Variants in PKD1 observed in about 807,000 individuals in gnomAD.
The protein encoded by PKD1 is polycystin 1, transient receptor potential channel interacting.
Under a neutral mutation model 361.7 loss-of-function variants are expected in PKD1, and 81 were observed. The ratio of observed to expected loss-of-function variants is 0.22; its 90% CI spans 0.19 to 0.27. The LOEUF (loss-of-function observed/expected upper bound fraction) is 0.27, where lower values mean the gene tolerates loss of function less well. Among genes scored for constraint, PKD1 ranks in the 10% least tolerant of loss-of-function variants. The pLI is 1.00. For missense variants in PKD1, 6,399 were observed against 6,118.3 expected (o/e 1.05, Z -1.53); for synonymous variants, 3,615 against 2,818.3 (o/e 1.28, Z -8.95).
intron 22 of PKD1, 37 bp downstream of exon 22, chr16:2,104,461 G>GGGGC (rs2092256195): frequency 1.4e-5 from 21 of 1,478,664 alleles, no homozygotes; most frequent in Non-Finnish European, 1.6e-5. Flanking sequence ...AGGGCCGCAC[G>GGGGC]GGGCGGGCGG....
intron 1 of PKD1, among the ~76,000 whole-genome samples, chr16:2,124,482 CCGGGGGAGCCGGGGT>C (rs887070670): frequency 1.3e-5 from 2 of 152,340 alleles, no homozygotes; most frequent in Admixed American, 1.3e-4. Context: ...CGCTCCTGGG[CCGGGGGAGCCGGGGT>C]CGGGGAATGC....
rs144512402 is a variant in PKD1, at chr16:2,111,220, T to G, written c.3947A>C (p.Tyr1316Ser). Reference protein sequence around the residue: ...PTQPDARLTAYVTGNPAHYLF... With the variant: ...PTQPDARLTASVTGNPAHYLF... The stretch of plus-strand genomic sequence containing the variant: ...GTAGTGGGCCGGGTTCCCGGTGACG[T>G]AGGCCGTGAGCCGCGCGTCAGGCTG... The change falls in exon 15 of 46, where the codon TAC becomes TCC. Residue 1316 changes from tyrosine (Y) to serine (S), a missense_variant. Tyr to Ser is a moderately radical substitution (Grantham distance 144). Coordinates refer to ENST00000262304, the MANE Select transcript of PKD1 (RefSeq NM_001009944.3). The G allele has an allele frequency of 1.2e-6, 2 of 1,611,234 alleles. No individual in the cohort carries two copies. Among genetic ancestry groups the G allele is most frequent in the South Asian group, 1.1e-5 (1 of 91,016 alleles).
Position 2,100,021 on chromosome 16 carries a change from G to A in PKD1, c.9763C>T (p.Arg3255Cys), listed in dbSNP as rs753504044. Residue 3255 changes from arginine to cysteine, a missense_variant, in exon 29 of 46, where the codon CGT becomes TGT. Physicochemically the swap from Arg to Cys is radical, Grantham distance 180. Coordinates refer to ENST00000262304, the MANE Select transcript of PKD1 (RefSeq NM_001009944.3). The surrounding 1 kb of genome is among the most constrained non-coding windows in gnomAD (Gnocchi z 4.4). The stretch of plus-strand genomic sequence containing the variant: ...CAGATGTGCTTGTCAAAGAAGCCAC[G>A]CTGCAGCTCAGCCACCAGCAGGCGC... The part of the protein sequence containing the change: ...FRRLLVAELQ[R>C]GFFDKHIWLS... The A allele has an allele frequency of 8.2e-6, 13 of 1,576,722 alleles. No homozygotes were observed. Among genetic ancestry groups the A allele is most frequent in the Middle Eastern group, 4.5e-4 (2 of 4,406 alleles).
chr16:2,105,079 T>G (rs2092290522), intron 21 of PKD1, among the ~76,000 whole-genome samples: 2 of 118,986 alleles, frequency 1.7e-5, no homozygotes, highest in South Asian at 5.9e-4. Context: ...CAGCATCTTC[T>G]TAGTCCCTCC....
Position 2,106,277 on chromosome 16 carries a change from G to C in PKD1, c.7517C>G (p.Ala2506Gly), listed in dbSNP as rs529669059. ...TGWHDAEDAG[A>G]PLVYALLLRR... ...CAGCAGCAGGGCGTACACCAGCGGG[G>C]CGCCAGCATCCTCCGCGTCATGCCA... is the stretch of plus-strand genomic sequence containing the variant. Residue 2506 changes from alanine (A) to glycine (G), a missense_variant, in exon 19 of 46, where the codon GCC becomes GGC. Coordinates refer to ENST00000262304, the MANE Select transcript of PKD1 (RefSeq NM_001009944.3). The surrounding 1 kb of genome is among the most constrained non-coding windows in gnomAD (Gnocchi z 6.5). The C allele has an allele frequency of 1.2e-6, 2 of 1,610,098 alleles. No homozygotes were observed. The highest frequency in any genetic ancestry group is 2.2e-5 in the East Asian group (1 of 44,858).
Position 2,112,885 on chromosome 16 carries a change from G to A in PKD1, c.3064C>T (p.Leu1022=). The change falls in exon 13 of 46, where the codon CTG becomes TTG. Residue 1022 remains leucine (L), a synonymous_variant. Coordinates refer to ENST00000262304, the MANE Select transcript of PKD1 (RefSeq NM_001009944.3). ...TVERMNRMQG[L]QVSTVPAVLS... is the part of the protein sequence containing the mutation. ...ACGGCCGGCACTGTGGAGACCTGCA[G>A]ACCCTGCATCCTGTTCATCCGCTCC... 6.2e-7 allele frequency: 1 copy of A among 1,607,230 alleles called. No homozygotes were observed. Among genetic ancestry groups the A allele is most frequent in the African/African-American group, 1.3e-5 (1 of 74,978 alleles).
At position 2,090,096 on chromosome 16, in the gene PKD1, G is replaced by A; in HGVS notation, c.12543C>T (p.Gly4181=). 6.2e-7 allele frequency: 1 copy of A among 1,606,818 alleles called. No individual in the cohort carries two copies. Among genetic ancestry groups the A allele is most frequent in the Non-Finnish European group, 8.5e-7 (1 of 1,175,902 alleles). The stretch of plus-strand genomic sequence containing the variant: ...AGGTGGAGGGGTGCGAGGCATCGGA[G>A]CCAGCGCTGGGTGGGGGCACATCCG... The part of the protein sequence containing the change: ...VSPDVPPPSA[G]SDASHPSTSS... Residue 4181 remains glycine, a synonymous_variant, in exon 46 of 46, where the codon GGC becomes GGT. Coordinates refer to ENST00000262304, the MANE Select transcript of PKD1 (RefSeq NM_001009944.3).
chr16:2,110,520 C>T lies in PKD1; in HGVS notation c.4647G>A (p.Arg1549=), dbSNP rs1461813719. The T allele has an allele frequency of 2.5e-6, 4 of 1,611,714 alleles. No individual in the cohort carries two copies. Among genetic ancestry groups the T allele is most frequent in the Non-Finnish European group, 3.4e-6 (4 of 1,179,808 alleles). Residue 1549 remains arginine (R), a synonymous_variant, in exon 15 of 46, where the codon CGG becomes CGA. Coordinates refer to ENST00000262304, the MANE Select transcript of PKD1 (RefSeq NM_001009944.3). ...WLNVTVKRRV[R]GLVVNASRTV... The stretch of plus-strand genomic sequence containing the variant: ...TGCGGCTTGCATTGACGACGAGCCC[C>T]CGCACGCGCCGCTTCACCGTCACAT...
Position 2,089,621 on chromosome 16 carries a change from C to T in PKD1, c.*106G>A, listed in dbSNP as rs917781648. On this transcript the variant is annotated 3_prime_UTR_variant, in exon 46 of 46. Coordinates refer to ENST00000262304, the MANE Select transcript of PKD1 (RefSeq NM_001009944.3). ...ATGCCCCTGCCTGCTCTCTGGGGAA[C>T]CTACGTGCAGCCATTCTGCCTGGCC... 22 of 1,381,990 alleles carry T rather than the reference C, an allele frequency of 1.6e-5. No homozygotes were observed. In the Middle Eastern group the frequency reaches 9.8e-4, roughly 62 times the overall value. 85.6% of individuals were successfully genotyped at this position (1,381,990 alleles called of 1,614,324 possible).
In PKD1 at chr16:2,099,712, C is replaced by A. The variant is rs780752957; in HGVS notation, c.9982G>T (p.Val3328Leu). Residue 3328 changes from valine (V) to leucine (L), a missense_variant, in exon 30 of 46, where the codon GTG (valine) becomes TTG (leucine). Physicochemically the swap from Val to Leu is conservative, Grantham distance 32. Coordinates refer to ENST00000262304, the MANE Select transcript of PKD1 (RefSeq NM_001009944.3). ...ACGGGATAGACAACCACGCTGGACA[C>A]CAGGCCAACAGCGACTGTGTCGACG... is the stretch of plus-strand genomic sequence containing the variant. ...LSVDTVAVGL[V>L]SSVVVYPVYL... 13 of 1,586,682 alleles carry A rather than the reference C, an allele frequency of 8.2e-6. No individual in the cohort carries two copies. Among genetic ancestry groups the A allele is most frequent in the Middle Eastern group, 2.3e-4 (1 of 4,436 alleles).
intron 34 of PKD1, chr16:2,096,780 G>C (rs906187038): frequency 2.2e-5 from 6 of 275,674 alleles, no homozygotes; most frequent in Non-Finnish European, 2.8e-5. Context: ...GCCTCCCAAA[G>C]TGCTGGGATT....
At position 2,090,713 on chromosome 16, in the gene PKD1, C is replaced by G. The variant is rs761446686; in HGVS notation, c.12099G>C (p.Leu4033=). The G allele has an allele frequency of 7.4e-6, 12 of 1,612,450 alleles. No homozygotes were observed. Among genetic ancestry groups the G allele is most frequent in the Non-Finnish European group, 1.0e-5 (12 of 1,179,970 alleles). ...LPELLGVTLG[L]VVLGVAYAQL... ...GGGCGTAGGCTACCCCGAGCACCACCAGGCCCAAGGTGACCCCCAGGAGCT... is the reference window on the plus strand; with the variant it reads ...GGGCGTAGGCTACCCCGAGCACCACGAGGCCCAAGGTGACCCCCAGGAGCT... Residue 4033 remains leucine, a synonymous_variant, in exon 44 of 46, where the codon CTG becomes CTC. Transcript: ENST00000262304.
intron 1 of PKD1, among the ~76,000 whole-genome samples, chr16:2,125,185 G>A (rs1053525034): frequency 6.6e-6 from 1 of 152,248 alleles, no homozygotes; most frequent in African/African-American, 2.4e-5. Flanking sequence ...TTAACGGGCT[G>A]CAGTTTGGGA....
In PKD1 at chr16:2,105,919, G is replaced by A. The variant is rs372016409; in HGVS notation, c.7809C>T (p.Ala2603=). Residue 2603 remains alanine, a synonymous_variant, in exon 20 of 46, where the codon GCC becomes GCT. Transcript: ENST00000262304. ...AGTACTCGATGACGTGCTGGGGATC[G>A]GCCTGCCGCAGCAGCCCTGGGAGCA... ...ASVLPGLLRQ[A]DPQHVIEYSL... is the part of the protein sequence containing the mutation. 7.5e-6 allele frequency: 12 copies of A among 1,596,948 alleles called. No homozygotes were observed. Among genetic ancestry groups the A allele is most frequent in the African/African-American group, 2.7e-5 (2 of 74,848 alleles).
intron 16 of PKD1, 161 bp downstream of exon 16, chr16:2,107,722 G>A: frequency 5.6e-6 from 4 of 711,532 alleles, no homozygotes; most frequent in South Asian, 3.3e-5. Context: ...GGTTTGGAAG[G>A]AAGCAAAGCT....
At chr16:2,124,840 G>A (rs541016536) in intron 1 of PKD1, among the ~76,000 whole-genome samples, 1 of 152,188 alleles carries the variant, frequency 6.6e-6, no homozygotes. Context: ...TTATGTAACC[G>A]CTCCTCCCTC....
intron 14 of PKD1, among the ~76,000 whole-genome samples, 156 bp downstream of exon 14, chr16:2,112,184 C>T (rs1567205208): frequency 6.6e-6 from 1 of 152,224 alleles, no homozygotes; most frequent in East Asian, 1.9e-4. Flanking sequence ...CACGCCTGGC[C>T]CCTCCCTCAC....
Position 2,108,817 on chromosome 16 carries a change from G to A in PKD1, c.6350C>T (p.Pro2117Leu). The change falls in exon 15 of 46, where the codon CCT (proline) becomes CTT (leucine). Residue 2117 changes from proline (P) to leucine (L), a missense_variant. Physicochemically the swap from Pro to Leu is moderately conservative, Grantham distance 98 (BLOSUM62 -3). Transcript: ENST00000262304. ...EPRAEHSYLRPGDYRVQVNAS... is the reference protein window; with the variant it reads ...EPRAEHSYLRLGDYRVQVNAS... ...GTTCACCTGCACGCGGTAGTCCCCA[G>A]GCCTCAGGTAGGAGTGCTCGGCCCT... is the stretch of plus-strand genomic sequence containing the variant. The A allele has an allele frequency of 1.9e-6, 3 of 1,569,406 alleles. No individual in the cohort carries two copies. Among genetic ancestry groups the A allele is most frequent in the South Asian group, 1.2e-5 (1 of 85,968 alleles).
In PKD1 at chr16:2,089,758, G is replaced by A. The variant is rs1180459264; in HGVS notation, c.12881C>T (p.Ala4294Val). ...GCTGCTGGGGTGGACCTTGTTCTTGGCCCGAAGGGGTGTCCTGCTGGGGCC... is the reference window on the plus strand; with the variant it reads ...GCTGCTGGGGTGGACCTTGTTCTTGACCCGAAGGGGTGTCCTGCTGGGGCC... ...ATGPSRTPLR[A>V]KNKVHPSST The change falls in exon 46 of 46, where the codon GCC becomes GTC. Residue 4294 changes from alanine to valine, a missense_variant. Coordinates refer to ENST00000262304, the MANE Select transcript of PKD1 (RefSeq NM_001009944.3). 6.3e-7 allele frequency: 1 copy of A among 1,592,046 alleles called. No individual in the cohort carries two copies. Among genetic ancestry groups the A allele is most frequent in the East Asian group, 2.3e-5 (1 of 44,152 alleles).
Sources: allele counts gnomAD v4.1 joint callset (sites outside exome capture counted in the v4.1 genomes callset), GRCh38; gene constraint gnomAD v4.1.1; non-coding constraint Gnocchi (gnomAD v3.1); transcripts MANE v1.5; gene names NCBI Gene and HGNC (gene_info 2026-07-23, HGNC 2026-07-21).